The following NXPH3 variants were observed in gnomAD, a reference collection of about 807,000 sequenced individuals.
NXPH3 encodes neurexophilin 3, also known as neurexophilin-3.
In NXPH3, 7 loss-of-function variants were observed where a neutral mutation model predicts 18.8. The ratio of observed to expected loss-of-function variants is 0.37; its 90% CI spans 0.21 to 0.70. NXPH3 has a LOEUF of 0.70. Ranked by LOEUF, NXPH3 falls within the 30% of genes least tolerant of loss-of-function variation. The probability of loss-of-function intolerance (pLI) is 0.53; values close to 1 mark genes in which losing one functional copy is unlikely to be tolerated. For synonymous variants in NXPH3, 101 were observed against 137.3 expected (o/e 0.74, Z 1.85); for missense variants, 282 against 338.1 (o/e 0.83, Z 1.30).
rs1459872504 is a variant in NXPH3 at position 49,580,645 on chromosome 17, A to G, written c.*1345A>G. The G allele has an allele frequency of 2.0e-5, 3 of 152,412 alleles. No homozygotes were observed. The highest frequency in any genetic ancestry group is 1.9e-4 in the East Asian group (1 of 5,196). 9.4% of individuals were successfully genotyped at this position (152,412 alleles called of 1,614,324 possible). A position where few individuals can be genotyped will look rare whatever the true frequency, so the allele number is the denominator to read the frequency against. On this transcript the variant is annotated 3_prime_UTR_variant, in exon 2 of 2. Coordinates refer to ENST00000328741, the MANE Select transcript of NXPH3 (RefSeq NM_007225.4). The stretch of plus-strand genomic sequence containing the variant: ...GAGAGCTAGCAGGTAGAATGGGCCA[A>G]TGAGGGTGTTCCTTGGTGTCCTCCC...
In NXPH3 at chr17:49,580,496, G is replaced by A. The variant is rs1489059291; in HGVS notation, c.*1196G>A. The A allele has an allele frequency of 6.6e-6, 1 of 152,230 alleles. No homozygotes were observed. The highest frequency in any genetic ancestry group is 6.5e-5 in the Admixed American group (1 of 15,280). 9.4% of individuals were successfully genotyped at this position (152,230 alleles called of 1,614,324 possible). On this transcript the variant is annotated 3_prime_UTR_variant, in exon 2 of 2. Coordinates refer to ENST00000328741, the MANE Select transcript of NXPH3 (RefSeq NM_007225.4). ...CCCTTGGCGCTGATGTTTGCTGAGGGCTCAGGGCTTCCCTCTCCAGCCCCG... is the reference window on the plus strand; with the variant it reads ...CCCTTGGCGCTGATGTTTGCTGAGGACTCAGGGCTTCCCTCTCCAGCCCCG...
chr17:49,576,390 G>A, intron 1 of NXPH3, 117 bp downstream of exon 1: 2 of 1,178,418 alleles, frequency 1.7e-6, no homozygotes, highest in Non-Finnish European at 2.4e-6. Flanking sequence ...CGGGGATGGC[G>A]GGGAAGACTG....
Position 49,583,253 on chromosome 17 carries a change from T to C in NXPH3, c.*3953T>C, listed in dbSNP as rs558149217. On this transcript the variant is annotated 3_prime_UTR_variant, in exon 2 of 2. Coordinates refer to ENST00000328741, the MANE Select transcript of NXPH3 (RefSeq NM_007225.4). Reference sequence around the variant, plus strand: ...CATCGCTGGGAGTGGGAGACAGAAATGTTACTTCCAAAGATTCCGAGTCCT... The same window carrying C: ...CATCGCTGGGAGTGGGAGACAGAAACGTTACTTCCAAAGATTCCGAGTCCT... 6.6e-6 allele frequency: 1 copy of C among 152,370 alleles called. No individual in the cohort carries two copies. Among genetic ancestry groups the C allele is most frequent in the African/African-American group, 2.4e-5 (1 of 41,516 alleles). The allele number at this position is 152,370 out of a possible 1,614,324, so 9.4% of individuals were successfully genotyped here.
intron 1 of NXPH3, 146 bp downstream of exon 1, chr17:49,576,419 G>A (rs1365300009): frequency 5.4e-6 from 5 of 929,950 alleles, no homozygotes; most frequent in South Asian, 1.5e-5. Flanking sequence ...GGGAGAGGGC[G>A]GGTCCGAGGC....
chr17:49,579,626 G>T lies in NXPH3; in HGVS notation c.*326G>T, dbSNP rs1044418692. 2 of 330,482 alleles carry T rather than the reference G, an allele frequency of 6.1e-6. No individual in the cohort carries two copies. Among genetic ancestry groups the T allele is most frequent in the Admixed American group, 4.5e-5 (1 of 22,350 alleles). 20.5% of individuals were successfully genotyped at this position (330,482 alleles called of 1,614,324 possible). A position where few individuals can be genotyped will look rare whatever the true frequency, so the allele number is the denominator to read the frequency against. On this transcript the variant is annotated 3_prime_UTR_variant, in exon 2 of 2. Coordinates refer to ENST00000328741, the MANE Select transcript of NXPH3 (RefSeq NM_007225.4). This position sits in a 1 kb window ranked among gnomAD's most constrained non-coding sequence, Gnocchi z 6.0. ...GCCTGTGGGCAGGCCGATCAGTGTGGCCCCAGATCAAGTCATGGGAGGAAG... is the reference window on the plus strand; with the variant it reads ...GCCTGTGGGCAGGCCGATCAGTGTGTCCCCAGATCAAGTCATGGGAGGAAG...
chr17:49,576,200 G>T lies in NXPH3; in HGVS notation c.-20G>T. On this transcript the variant is annotated 5_prime_UTR_variant, in exon 1 of 2. Transcript: ENST00000328741. ...CGAAAAGAGAAGGGGAGAGCGAGGG[G>T]ACGAGAGCGGAGGAGGAAGATGCAA... 6.4e-7 allele frequency: 1 copy of T among 1,561,570 alleles called. No individual in the cohort carries two copies. Among genetic ancestry groups the T allele is most frequent in the Non-Finnish European group, 8.7e-7 (1 of 1,152,844 alleles).
Position 49,581,818 on chromosome 17 carries a change from C to T in NXPH3, c.*2518C>T. On this transcript the variant is annotated 3_prime_UTR_variant, in exon 2 of 2. Transcript: ENST00000328741. ...CAGGCACTGGGGGCACTTTGACCCC[C>T]CTCCTGCTCCTCTCCTCCTGTGGAG... 1.4e-6 allele frequency: 1 copy of T among 701,222 alleles called. No individual in the cohort carries two copies. Among genetic ancestry groups the T allele is most frequent in the Non-Finnish European group, 2.6e-6 (1 of 384,266 alleles). 43.4% of individuals were successfully genotyped at this position (701,222 alleles called of 1,614,324 possible). A position where few individuals can be genotyped will look rare whatever the true frequency, so the allele number is the denominator to read the frequency against.
At position 49,580,499 on chromosome 17, in the gene NXPH3, C is replaced by T. The variant is rs905537617; in HGVS notation, c.*1199C>T. ...TTGGCGCTGATGTTTGCTGAGGGCT[C>T]AGGGCTTCCCTCTCCAGCCCCGGTT... On this transcript the variant is annotated 3_prime_UTR_variant, in exon 2 of 2. Coordinates refer to ENST00000328741, the MANE Select transcript of NXPH3 (RefSeq NM_007225.4). 1 of 152,246 alleles carries T rather than the reference C, an allele frequency of 6.6e-6. No homozygotes were observed. Among genetic ancestry groups the T allele is most frequent in the African/African-American group, 2.4e-5 (1 of 41,456 alleles). The allele number at this position is 152,246 out of a possible 1,614,324, so 9.4% of individuals were successfully genotyped here.
At position 49,578,813 on chromosome 17, in the gene NXPH3, C is replaced by G. The variant is rs779567547; in HGVS notation, c.272C>G (p.Pro91Arg). 3.7e-6 allele frequency: 6 copies of G among 1,613,994 alleles called. No individual in the cohort carries two copies. Among genetic ancestry groups the G allele is most frequent in the Non-Finnish European group, 5.1e-6 (6 of 1,179,940 alleles). Residue 91 changes from proline to arginine, a missense_variant, in exon 2 of 2, where the codon CCA (proline) becomes CGA (arginine). Transcript: ENST00000328741. This position sits in a 1 kb window ranked among gnomAD's most constrained non-coding sequence, Gnocchi z 4.5. The stretch of plus-strand genomic sequence containing the variant: ...CCCAACCGCCCGAACCACAGCCCCC[C>G]ACCCTCAGCCAAGGTGAAGAAAATC... ...QPPNRPNHSP[P>R]PSAKVKKIFG...
Position 49,581,765 on chromosome 17 carries a change from T to C in NXPH3, c.*2465T>C, listed in dbSNP as rs1234743255. On this transcript the variant is annotated 3_prime_UTR_variant, in exon 2 of 2. Coordinates refer to ENST00000328741, the MANE Select transcript of NXPH3 (RefSeq NM_007225.4). ...ATGGGGCCAGAGGCCCTGGGCGCCC[T>C]CCCCACCTCCCCTGGCTGAACTCTC... The C allele has an allele frequency of 5.7e-6, 4 of 701,762 alleles. No individual in the cohort carries two copies. The highest frequency in any genetic ancestry group is 1.0e-5 in the Non-Finnish European group (4 of 384,664). The allele number at this position is 701,762 out of a possible 1,614,324, so 43.5% of individuals were successfully genotyped here.
In NXPH3 at chr17:49,582,807, A is replaced by C. The variant is rs997063088; in HGVS notation, c.*3507A>C. ...AGCATTCCTTTCTCAAGTAGGGTGAATCTCCTAGCACTCTGTGAAGCTAAT... is the reference window on the plus strand; with the variant it reads ...AGCATTCCTTTCTCAAGTAGGGTGACTCTCCTAGCACTCTGTGAAGCTAAT... On this transcript the variant is annotated 3_prime_UTR_variant, in exon 2 of 2. Transcript: ENST00000328741. The C allele has an allele frequency of 6.6e-6, 1 of 152,180 alleles. No homozygotes were observed. Among genetic ancestry groups the C allele is most frequent in the African/African-American group, 2.4e-5 (1 of 41,434 alleles). 9.4% of individuals were successfully genotyped at this position (152,180 alleles called of 1,614,324 possible).
rs1406277270 is a variant in NXPH3, at chr17:49,581,683, C to T, written c.*2383C>T. 24 of 702,500 alleles carry T rather than the reference C, an allele frequency of 3.4e-5. No homozygotes were observed. In the East Asian group the frequency reaches 4.8e-4, roughly 14 times the overall value. 43.5% of individuals were successfully genotyped at this position (702,500 alleles called of 1,614,324 possible). On this transcript the variant is annotated 3_prime_UTR_variant, in exon 2 of 2. Coordinates refer to ENST00000328741, the MANE Select transcript of NXPH3 (RefSeq NM_007225.4). ...GAGCAGCCCACCAATGGACACCCAC[C>T]GTGTGCCGTTCAGCCTCCCACAGTG...
intron 1 of NXPH3, 107 bp downstream of exon 1, chr17:49,576,380 C>G: frequency 8.1e-7 from 1 of 1,238,888 alleles, no homozygotes; most frequent in Non-Finnish European, 1.1e-6. Context: ...CCCGACATCC[C>G]GGGGATGGCG....
chr17:49,579,541 T>G lies in NXPH3; in HGVS notation c.*241T>G. The G allele has an allele frequency of 1.8e-6, 1 of 546,926 alleles. No homozygotes were observed. Among genetic ancestry groups the G allele is most frequent in the Non-Finnish European group, 3.3e-6 (1 of 306,760 alleles). 33.9% of individuals were successfully genotyped at this position (546,926 alleles called of 1,614,324 possible). On this transcript the variant is annotated 3_prime_UTR_variant, in exon 2 of 2. Transcript: ENST00000328741. The surrounding 1 kb of genome is among the most constrained non-coding windows in gnomAD (Gnocchi z 6.0). ...CAGGAGCACTGGAGGAGGAGTGGGC[T>G]CTCTGTGCAGCCTCACAGGGCTTTG...
Position 49,582,076 on chromosome 17 carries a change from G to A in NXPH3, c.*2776G>A, listed in dbSNP as rs1051566719. On this transcript the variant is annotated 3_prime_UTR_variant, in exon 2 of 2. Coordinates refer to ENST00000328741, the MANE Select transcript of NXPH3 (RefSeq NM_007225.4). ...TAGCCCTCTGGTCCCTACTGTTCTT[G>A]CCAGATACTTCTGTGCCCGCTTGGT... 5.1e-5 allele frequency: 29 copies of A among 564,428 alleles called. No individual in the cohort carries two copies. The highest frequency in any genetic ancestry group is 8.4e-5 in the Non-Finnish European group (27 of 322,086). The allele number at this position is 564,428 out of a possible 1,614,324, so 35.0% of individuals were successfully genotyped here. A position where few individuals can be genotyped will look rare whatever the true frequency, so the allele number is the denominator to read the frequency against.
At position 49,579,962 on chromosome 17, in the gene NXPH3, CT is replaced by C. The variant is rs1322899110; in HGVS notation, c.*663del. ...ATTCCCTCTTCTGCCAGTACTCCCC[CT>C]GTACCACCCATTGCTGATGGCACAC... On this transcript the variant is annotated 3_prime_UTR_variant, in exon 2 of 2. Coordinates refer to ENST00000328741, the MANE Select transcript of NXPH3 (RefSeq NM_007225.4). The surrounding 1 kb of genome is among the most constrained non-coding windows in gnomAD (Gnocchi z 6.0). The C allele has an allele frequency of 6.5e-6, 1 of 152,894 alleles. No individual in the cohort carries two copies. Among genetic ancestry groups the C allele is most frequent in the African/African-American group, 2.4e-5 (1 of 41,464 alleles). The allele number at this position is 152,894 out of a possible 1,614,324, so 9.5% of individuals were successfully genotyped here.
In NXPH3 at chr17:49,580,034, G is replaced by A. The variant is rs1822176678; in HGVS notation, c.*734G>A. 1 of 152,422 alleles carries A rather than the reference G, an allele frequency of 6.6e-6. No homozygotes were observed. The highest frequency in any genetic ancestry group is 1.5e-5 in the Non-Finnish European group (1 of 68,208). 9.4% of individuals were successfully genotyped at this position (152,422 alleles called of 1,614,324 possible). On this transcript the variant is annotated 3_prime_UTR_variant, in exon 2 of 2. Coordinates refer to ENST00000328741, the MANE Select transcript of NXPH3 (RefSeq NM_007225.4). ...GACGATTGTGGTCCTCCCACACTAA[G>A]GCCACAGCCCATCCGCGTGCTGTGT...
chr17:49,576,386 T>G, intron 1 of NXPH3, 113 bp downstream of exon 1: 16 of 1,186,178 alleles, frequency 1.3e-5, no homozygotes, highest in East Asian at 2.7e-5. Flanking sequence ...ATCCCGGGGA[T>G]GGCGGGGAAG....
At chr17:49,576,865 G>C (rs1463616488) in intron 1 of NXPH3, among the ~76,000 whole-genome samples, 2 of 151,604 alleles carry the variant, frequency 1.3e-5, no homozygotes, top group East Asian at 3.9e-4. Context: ...GCAGCTGAGC[G>C]GAGCGCCCAG....
Sources: allele counts gnomAD v4.1 joint callset (sites outside exome capture counted in the v4.1 genomes callset), GRCh38; gene constraint gnomAD v4.1.1; non-coding constraint Gnocchi (gnomAD v3.1); transcripts MANE v1.5; gene names NCBI Gene and HGNC (gene_info 2026-07-23, HGNC 2026-07-21).